The following RPS6KC1 variants were observed in gnomAD, a reference collection of about 807,000 sequenced individuals.
RPS6KC1 encodes the protein inactive ribosomal protein S6 kinase delta-1.
A neutral mutation model predicts 103.8 loss-of-function variants in RPS6KC1; 54 were observed. That is an observed-to-expected ratio of 0.52 (90% CI 0.42 to 0.65). The LOEUF (loss-of-function observed/expected upper bound fraction) is 0.65. Ranked by LOEUF, RPS6KC1 falls within the 30% of genes least tolerant of loss-of-function variation. RPS6KC1 has a pLI of 0.00. For missense variants in RPS6KC1, 1,151 were observed against 1,253.8 expected (o/e 0.92, Z 1.24); for synonymous variants, 439 against 438.7 (o/e 1.00, Z -0.01).
chr1:213,153,166 C>T (rs906198440), intron 6 of RPS6KC1, among the ~76,000 whole-genome samples: 9 of 152,008 alleles, frequency 5.9e-5, no homozygotes, highest in East Asian at 5.8e-4. Flanking sequence ...TGCAGTGAGC[C>T]GAGATGGCAG....
the RPS6KC1 span, among the ~76,000 whole-genome samples, chr1:213,484,378 C>T: frequency 6.6e-6 from 1 of 152,208 alleles, no homozygotes; most frequent in Admixed American, 6.5e-5. Context: ...TGCTCACCCA[C>T]TTGGCTATTT....
intron 6 of RPS6KC1, 135 bp downstream of exon 6, chr1:213,130,024 C>G: frequency 1.2e-6 from 1 of 833,316 alleles, no homozygotes; most frequent in Non-Finnish European, 1.8e-6. Flanking sequence ...CTTAAAAGAC[C>G]TATATATGGA....
chr1:213,699,277 A>G, the RPS6KC1 span, among the ~76,000 whole-genome samples: 3 of 151,886 alleles, frequency 2.0e-5, no homozygotes, highest in Non-Finnish European at 4.4e-5. Context: ...AATTGTTTCT[A>G]TTTTTAGCTC....
the RPS6KC1 span, among the ~76,000 whole-genome samples, chr1:213,664,218 G>C: frequency 6.6e-6 from 1 of 150,578 alleles, no homozygotes; most frequent in South Asian, 2.1e-4. Flanking sequence ...GGAGGGGAGC[G>C]CTCTGAGAAC....
the RPS6KC1 span, among the ~76,000 whole-genome samples, chr1:213,712,419 A>G: frequency 4.6e-5 from 7 of 152,326 alleles, no homozygotes; most frequent in East Asian, 1.4e-3. Flanking sequence ...GGCAGCAAGA[A>G]TTTTAAGCCA....
At position 213,240,942 on chromosome 1, in the gene RPS6KC1, A is replaced by G. The variant is rs186781395; in HGVS notation, c.1466A>G (p.Asp489Gly). Residue 489 changes from aspartate to glycine, a missense_variant, in exon 11 of 15, where the codon GAT (aspartate) becomes GGT (glycine). By Grantham distance (94) the Asp-to-Gly change is moderately conservative (BLOSUM62 -1). Transcript: ENST00000366960. ...CAAGATGACAGCAACCAGGAAGATG[A>G]TGGCCAAGATAGCTCTCCAAAGTGG... is the stretch of plus-strand genomic sequence containing the variant. ...SSQDDSNQED[D>G]GQDSSPKWPD... The G allele has an allele frequency of 2.1e-5, 34 of 1,613,878 alleles. No homozygotes were observed. The highest frequency in any genetic ancestry group is 3.3e-4 in the Middle Eastern group (2 of 6,062).
the RPS6KC1 span, among the ~76,000 whole-genome samples, chr1:213,703,186 G>C: frequency 6.6e-6 from 1 of 152,010 alleles, no homozygotes; most frequent in African/African-American, 2.4e-5. Flanking sequence ...ACTTAACACT[G>C]TTTGCATAAA....
chr1:213,571,708 G>C, the RPS6KC1 span, among the ~76,000 whole-genome samples: 18 of 152,314 alleles, frequency 1.2e-4, 1 homozygote, highest in East Asian at 3.5e-3. Context: ...TCACACCACA[G>C]TTCCTAGACA....
At chr1:213,451,876 C>T in the RPS6KC1 span, among the ~76,000 whole-genome samples, 1 of 152,000 alleles carries the variant, frequency 6.6e-6, no homozygotes, top group African/African-American at 2.4e-5. Flanking sequence ...ACACCATCTC[C>T]AGGAATTCCC....
chr1:213,776,588 G>A, the RPS6KC1 span, among the ~76,000 whole-genome samples: 2 of 152,176 alleles, frequency 1.3e-5, no homozygotes, highest in African/African-American at 4.8e-5. Context: ...CATTGATAGA[G>A]CACAGGAAAA....
chr1:213,526,375 A>G, the RPS6KC1 span, among the ~76,000 whole-genome samples: 555 of 152,274 alleles, frequency 3.6e-3, 2 homozygotes, highest in African/African-American at 0.013. Context: ...GGGCACACTG[A>G]GGGCCCACTT....
At chr1:213,631,410 C>A in the RPS6KC1 span, among the ~76,000 whole-genome samples, 239 of 149,798 alleles carry the variant, frequency 1.6e-3, 1 homozygote, top group African/African-American at 5.7e-3. Flanking sequence ...TACTCTATTC[C>A]TCTTACAGGG....
In RPS6KC1 at chr1:213,272,713, C is replaced by T; in HGVS notation, c.*79C>T. The T allele has an allele frequency of 2.0e-6, 2 of 1,018,890 alleles. 1 individual carries two copies. Among genetic ancestry groups the T allele is most frequent in the Non-Finnish European group, 3.1e-6 (2 of 650,488 alleles). The allele number at this position is 1,018,890 out of a possible 1,614,324, so 63.1% of individuals were successfully genotyped here. A position where few individuals can be genotyped will look rare whatever the true frequency, so the allele number is the denominator to read the frequency against. ...CCAGCACTGAGGCACCTCTGACTCA[C>T]AGTTACTTATGGAGCACCAAAGCAT... is the stretch of plus-strand genomic sequence containing the variant. On this transcript the variant is annotated 3_prime_UTR_variant, in exon 15 of 15. Coordinates refer to ENST00000366960, the MANE Select transcript of RPS6KC1 (RefSeq NM_012424.6).
the RPS6KC1 span, among the ~76,000 whole-genome samples, chr1:213,574,190 A>G: frequency 6.6e-6 from 1 of 152,134 alleles, no homozygotes; most frequent in East Asian, 1.9e-4. Flanking sequence ...TCCCCTTTCT[A>G]CGCCTCTTTC....
intron 1 of RPS6KC1, among the ~76,000 whole-genome samples, chr1:213,067,233 C>T (rs185511417): frequency 1.6e-4 from 25 of 152,316 alleles, no homozygotes; most frequent in African/African-American, 5.3e-4. Context: ...GTTACCGGTG[C>T]GGATCCTCAA....
At chr1:213,384,156 G>A in the RPS6KC1 span, among the ~76,000 whole-genome samples, 2 of 151,860 alleles carry the variant, frequency 1.3e-5, no homozygotes, top group Non-Finnish European at 2.9e-5. Context: ...GGTGCCTGTA[G>A]TCCCAGCTAC....
At chr1:213,509,204 A>G in the RPS6KC1 span, among the ~76,000 whole-genome samples, 2 of 152,208 alleles carry the variant, frequency 1.3e-5, no homozygotes, top group African/African-American at 4.8e-5. Context: ...CGATCACCCT[A>G]AAATCACATG....
chr1:213,152,898 G>T (rs565718156), intron 6 of RPS6KC1, among the ~76,000 whole-genome samples: 1 of 152,378 alleles, frequency 6.6e-6, no homozygotes, highest in African/African-American at 2.4e-5. Context: ...CGGCTGGGAG[G>T]TGGAGGTTGT....
At chr1:213,155,057 G>C (rs1218792543) in intron 6 of RPS6KC1, among the ~76,000 whole-genome samples, 2 of 152,176 alleles carry the variant, frequency 1.3e-5, no homozygotes, top group African/African-American at 4.8e-5. Flanking sequence ...CTGGGAACTA[G>C]GACCTGGAAT....
Sources: allele counts gnomAD v4.1 joint callset (sites outside exome capture counted in the v4.1 genomes callset), GRCh38; gene constraint gnomAD v4.1.1; transcripts MANE v1.5; gene names NCBI Gene and HGNC (gene_info 2026-07-23, HGNC 2026-07-21).